The following KNTC1 variants were observed in gnomAD, a reference collection of about 807,000 sequenced individuals.
KNTC1 encodes the protein kinetochore associated 1.
In KNTC1, 253 loss-of-function variants were observed where a neutral mutation model predicts 314.4. The ratio of observed to expected loss-of-function variants is 0.80; its 90% confidence interval spans 0.73 to 0.89. KNTC1 has a LOEUF of 0.89. Ranked by LOEUF, KNTC1 falls within the 40% of genes least tolerant of loss-of-function variation. The pLI, the probability that KNTC1 is intolerant of heterozygous loss-of-function variation, is 0.00. For missense variants in KNTC1, 2,475 were observed against 2,572.9 expected (o/e 0.96, Z 0.82); for synonymous variants, 901 against 901.4 (o/e 1.00, Z 0.01).
At position 122,610,848 on chromosome 12, in the gene KNTC1, C is replaced by T; in HGVS notation, c.5570C>T (p.Pro1857Leu). 2 of 1,613,096 alleles carry T rather than the reference C, an allele frequency of 1.2e-6. No individual in the cohort carries two copies. The highest frequency in any genetic ancestry group is 1.7e-6 in the Non-Finnish European group (2 of 1,179,342). Reference protein sequence around the residue: ...RRVQYLLLSRPIDYSSRMLFV... With the variant: ...RRVQYLLLSRLIDYSSRMLFV... ...GTGCAGTATCTCCTCCTGTCTCGTC[C>T]AATTGATTATAGTTCAAGAATGCTG... The change falls in exon 53 of 64, where the codon CCA becomes CTA. Residue 1857 changes from proline (P) to leucine (L), a missense_variant. Transcript: ENST00000333479.
intron 20 of KNTC1, among the ~76,000 whole-genome samples, chr12:122,563,077 G>A (rs1319660705): frequency 1.3e-5 from 2 of 151,946 alleles, no homozygotes; most frequent in Admixed American, 6.6e-5. Context: ...AACAGGTATA[G>A]CAGTCCTCTT....
Position 122,594,376 on chromosome 12 carries a change from AAT to A in KNTC1, c.4349_4350del (p.Tyr1450LeufsTer17). 6.4e-7 allele frequency: 1 copy of A among 1,552,162 alleles called. No homozygotes were observed. Among genetic ancestry groups the A allele is most frequent in the Non-Finnish European group, 8.9e-7 (1 of 1,126,398 alleles). On this transcript the variant is annotated frameshift_variant, in exon 43 of 64. Coordinates refer to ENST00000333479, the MANE Select transcript of KNTC1 (RefSeq NM_014708.6). LOFTEE classifies it high-confidence loss of function. The stretch of plus-strand genomic sequence containing the variant: ...GATATGGACACAAGCCTCATTTTGG[AAT>A]ATTGCAGGTAATTCTTTAAACATTA...
At chr12:122,601,676 GATCATAA>G (rs1695148646) in intron 45 of KNTC1, 51 bp downstream of exon 45, 1 of 1,407,626 alleles carries the variant, frequency 7.1e-7, no homozygotes, top group South Asian at 1.6e-5. Flanking sequence ...CTTTTATTTG[GATCATAA>G]ATCATATCAT....
chr12:122,591,285 T>C (rs116196094), intron 41 of KNTC1, 52 bp from the exon 42 acceptor site: 4 of 913,554 alleles, frequency 4.4e-6, no homozygotes, highest in African/African-American at 1.6e-5. Flanking sequence ...AAAGGTGTTA[T>C]AAGAATACAT....
In KNTC1 at chr12:122,622,461, G is replaced by T; in HGVS notation, c.6370-1G>T. 6.4e-7 allele frequency: 1 copy of T among 1,568,320 alleles called. No individual in the cohort carries two copies. On this transcript the variant is annotated splice_acceptor_variant, in intron 61 of 63. Coordinates refer to ENST00000333479, the MANE Select transcript of KNTC1 (RefSeq NM_014708.6). LOFTEE classifies it high-confidence loss of function. ...TCTTAATGATACCTGTCATTCTATA[G>T]ATTAGAAGTCTGATTTTGAATAATA...
At position 122,588,820 on chromosome 12, in the gene KNTC1, A is replaced by T; in HGVS notation, c.3999+4A>T. ...TGCTACAACACTACTGCACAAAGTA[A>T]GTATTTGTTCTGGGTAAAAATTTTG... On this transcript the variant is annotated splice_donor_region_variant and intron_variant, in intron 40 of 63. Transcript: ENST00000333479. 1 of 1,509,828 alleles carries T rather than the reference A, an allele frequency of 6.6e-7. No individual in the cohort carries two copies. Among genetic ancestry groups the T allele is most frequent in the Non-Finnish European group, 8.9e-7 (1 of 1,129,048 alleles). The allele number at this position is 1,509,828 out of a possible 1,614,324, so 93.5% of individuals were successfully genotyped here. A position where few individuals can be genotyped will look rare whatever the true frequency, so the allele number is the denominator to read the frequency against.
chr12:122,563,918 C>A (rs1964140908), intron 20 of KNTC1, among the ~76,000 whole-genome samples: 1 of 152,164 alleles, frequency 6.6e-6, no homozygotes, highest in Admixed American at 6.5e-5. Context: ...TGTGGCCTTA[C>A]CTCTTTCTTT....
chr12:122,546,297 G>T, intron 9 of KNTC1, 28 bp downstream of exon 9: 1 of 1,314,036 alleles, frequency 7.6e-7, no homozygotes, highest in South Asian at 1.2e-5. Context: ...AACTACTTTA[G>T]ACAATTATTA....
rs767128653 is a variant in KNTC1 at position 122,604,644 on chromosome 12, C to T, written c.5175+7C>T. 9 of 1,572,942 alleles carry T rather than the reference C, an allele frequency of 5.7e-6. No homozygotes were observed. In the East Asian group the frequency reaches 2.0e-4, roughly 35 times the overall value. Reference sequence around the variant, plus strand: ...ACAGAATATCCCATCGCAGGTGTGTCTGAACTATCAGATTGGCGGCTTCTC... The same window carrying T: ...ACAGAATATCCCATCGCAGGTGTGTTTGAACTATCAGATTGGCGGCTTCTC... On this transcript the variant is annotated splice_region_variant and intron_variant, in intron 49 of 63. Coordinates refer to ENST00000333479, the MANE Select transcript of KNTC1 (RefSeq NM_014708.6).
chr12:122,576,582 G>C (rs917101142), intron 29 of KNTC1, among the ~76,000 whole-genome samples: 1 of 152,140 alleles, frequency 6.6e-6, no homozygotes, highest in African/African-American at 2.4e-5. Context: ...TTGGGAGGCT[G>C]AGGGAGGAGA....
chr12:122,538,166 T>C (rs1332042467), intron 3 of KNTC1, among the ~76,000 whole-genome samples, 173 bp from the exon 4 acceptor site: 1 of 152,214 alleles, frequency 6.6e-6, no homozygotes, highest in Non-Finnish European at 1.5e-5. Flanking sequence ...AAAATATTTG[T>C]TGACTGAATA....
chr12:122,541,984 C>T (rs759279541), intron 5 of KNTC1, 66 bp from the exon 6 acceptor site: 272 of 1,427,644 alleles, frequency 1.9e-4, no homozygotes, highest in Non-Finnish European at 2.4e-4. Flanking sequence ...TGCTGCACTC[C>T]AGCCTAGCGA....
At chr12:122,574,418 C>A in intron 27 of KNTC1, 38 bp downstream of exon 27, 5 of 1,220,754 alleles carry the variant, frequency 4.1e-6, no homozygotes, top group Non-Finnish European at 4.7e-6. Flanking sequence ...CCCTTTTGAG[C>A]ATTAAATCTT....
chr12:122,545,440 A>T (rs1255221251), intron 8 of KNTC1, among the ~76,000 whole-genome samples: 1 of 152,112 alleles, frequency 6.6e-6, no homozygotes, highest in Non-Finnish European at 1.5e-5. Flanking sequence ...AAAAGAGAGA[A>T]AAGAAGCAGT....
chr12:122,618,535 G>A lies in KNTC1; in HGVS notation c.6139G>A (p.Ala2047Thr), dbSNP rs1201652948. ...QLSDCSESLI[A>T]VLECPVSGDL... Reference sequence around the variant, plus strand: ...GTCAGATTGTTCTGAGAGTCTCATCGCTGTCCTCGAGTAAGCAAAATATTT... The same window carrying A: ...GTCAGATTGTTCTGAGAGTCTCATCACTGTCCTCGAGTAAGCAAAATATTT... The change falls in exon 59 of 64, where the codon GCT becomes ACT. Residue 2047 changes from alanine to threonine, a missense_variant. Physicochemically the swap from Ala to Thr is moderately conservative, Grantham distance 58. Coordinates refer to ENST00000333479, the MANE Select transcript of KNTC1 (RefSeq NM_014708.6). 5.6e-6 allele frequency: 9 copies of A among 1,609,612 alleles called. No individual in the cohort carries two copies. Among genetic ancestry groups the A allele is most frequent in the Admixed American group, 1.7e-5 (1 of 59,816 alleles).
chr12:122,549,861 C>T lies in KNTC1; in HGVS notation c.1083C>T (p.Ser361=). 1 of 1,503,634 alleles carries T rather than the reference C, an allele frequency of 6.7e-7. No homozygotes were observed. Among genetic ancestry groups the T allele is most frequent in the South Asian group, 1.2e-5 (1 of 85,376 alleles). The allele number at this position is 1,503,634 out of a possible 1,614,324, so 93.1% of individuals were successfully genotyped here. Residue 361 remains serine (S), a synonymous_variant, in exon 13 of 64, where the codon AGC becomes AGT. Transcript: ENST00000333479. Reference sequence around the variant, plus strand: ...CTTCTCTGGTCCAAACAGGAATTAGCACAGTAAGTTTATTTGCATTTTAAA... The same window carrying T: ...CTTCTCTGGTCCAAACAGGAATTAGTACAGTAAGTTTATTTGCATTTTAAA... ...SVSSLVQTGI[S]TDTIYLLEGV...
At chr12:122,547,838 T>A (rs1962904155) in intron 11 of KNTC1, 77 bp from the exon 12 acceptor site, 3 of 839,402 alleles carry the variant, frequency 3.6e-6, no homozygotes, top group Non-Finnish European at 5.4e-6. Context: ...CCTACTTTTT[T>A]AATCAATAGA....
chr12:122,546,437 T>C (rs1359483493), intron 9 of KNTC1, among the ~76,000 whole-genome samples, 168 bp downstream of exon 9: 1 of 152,208 alleles, frequency 6.6e-6, no homozygotes, highest in Non-Finnish European at 1.5e-5. Flanking sequence ...ATGTTACAGT[T>C]GTTACTCTTC....
rs141052376 is a variant in KNTC1, at chr12:122,613,489, T to C, written c.5742-137T>C. The C allele has an allele frequency of 2.6e-3, 1,854 of 712,300 alleles. 25 individuals carry two copies. The African/African-American group carries it at 0.03, about 12-fold the overall frequency. 44.1% of individuals were successfully genotyped at this position (712,300 alleles called of 1,614,324 possible). On this transcript the variant is annotated intron_variant, in intron 54 of 63. Coordinates refer to ENST00000333479, the MANE Select transcript of KNTC1 (RefSeq NM_014708.6). ...AATTGATTTCTATCTAATGTTATTATATATTCAGTGAATATATTTGGAAGT... is the reference window on the plus strand; with the variant it reads ...AATTGATTTCTATCTAATGTTATTACATATTCAGTGAATATATTTGGAAGT...
Sources: gnomAD v4.1 joint callset for allele counts (sites outside exome capture counted in the v4.1 genomes callset) on GRCh38, gnomAD v4.1.1 for gene constraint, MANE v1.5 for transcripts, NCBI Gene and HGNC (gene_info 2026-07-23, HGNC 2026-07-21) for gene names.